TPMT: variants seen among roughly 807,000 people sequenced by gnomAD.
The protein encoded by TPMT is S-adenosyl-L-methionine:thiopurine S-methyltransferase.
Under a neutral mutation model 34.2 loss-of-function variants are expected in TPMT, and 18 were observed. That is an observed-to-expected ratio of 0.53 (90% CI 0.36 to 0.78). The LOEUF is 0.78. TPMT is among the 30% of genes least tolerant of loss of function. The pLI is 0.00. For missense variants in TPMT, 265 were observed against 288.1 expected (o/e 0.92, Z 0.58); for synonymous variants, 69 against 92.4 (o/e 0.75, Z 1.45).
intron 1 of TPMT, among the ~76,000 whole-genome samples, chr6:18,152,541 C>G (rs997791809): frequency 6.6e-6 from 1 of 151,706 alleles, no homozygotes; most frequent in Non-Finnish European, 1.5e-5. Flanking sequence ...CAATAAAATT[C>G]AAAGCCTCTC....
In TPMT at chr6:18,138,279, TA is replaced by T. The variant is rs548595777; in HGVS notation, c.494+683del. ...TGATTTTTTTGTTTTTTTTTTTTTT[TA>T]AATATTTTACAGACAAGGTCTTGCT... On this transcript the variant is annotated intron_variant, in intron 6 of 8. Coordinates refer to ENST00000309983, the MANE Select transcript of TPMT (RefSeq NM_000367.5). The surrounding 1 kb of genome is among the most constrained non-coding windows in gnomAD (Gnocchi z 4.1). 0.048 allele frequency among the ~76,000 whole-genome samples: 6,325 copies of T among 130,768 alleles called. 149 individuals carry two copies. Among genetic ancestry groups the T allele is most frequent in the African/African-American group, 0.061 (2,129 of 34,864 alleles). 85.8% of individuals were successfully genotyped at this position (130,768 alleles called of 152,430 possible).
chr6:18,133,659 C>T, intron 7 of TPMT, 145 bp downstream of exon 7: 2 of 663,950 alleles, frequency 3.0e-6, no homozygotes, highest in South Asian at 3.6e-5. Context: ...TCCCATTAGT[C>T]AAAACTGGAA....
chr6:18,149,722 C>T lies in TPMT; in HGVS notation c.-44-551G>A, dbSNP rs375415548. 1.3e-5 allele frequency among the ~76,000 whole-genome samples: 2 copies of T among 152,144 alleles called. No individual in the cohort carries two copies. Among genetic ancestry groups the T allele is most frequent in the African/African-American group, 2.4e-5 (1 of 41,430 alleles). ...TCAAGGGATCCTTCTGTCTTGGCCTCGCAAAGCACTGGGATTACAAGTGTG... is the reference window on the plus strand; with the variant it reads ...TCAAGGGATCCTTCTGTCTTGGCCTTGCAAAGCACTGGGATTACAAGTGTG... On this transcript the variant is annotated intron_variant, in intron 1 of 8. Coordinates refer to ENST00000309983, the MANE Select transcript of TPMT (RefSeq NM_000367.5). The surrounding 1 kb of genome is among the most constrained non-coding windows in gnomAD (Gnocchi z 5.0).
In TPMT at chr6:18,128,622, T is replaced by C. The variant is rs991701002; in HGVS notation, c.*2046A>G. Reference sequence around the variant, plus strand: ...CATCTCTTTCTGCAGATCAGCGTTCTGTTTCTCAGATCCATGTGCTGGAAT... The same window carrying C: ...CATCTCTTTCTGCAGATCAGCGTTCCGTTTCTCAGATCCATGTGCTGGAAT... On this transcript the variant is annotated 3_prime_UTR_variant, in exon 9 of 9. Transcript: ENST00000309983. This position sits in a 1 kb window ranked among gnomAD's most constrained non-coding sequence, Gnocchi z 4.6. 2.0e-5 allele frequency: 3 copies of C among 152,308 alleles called. No individual in the cohort carries two copies. The highest frequency in any genetic ancestry group is 2.0e-4 in the Admixed American group (3 of 15,288). The allele number at this position is 152,308 out of a possible 1,614,324, so 9.4% of individuals were successfully genotyped here.
rs1784314171 is a variant in TPMT, at chr6:18,149,559, G to C, written c.-44-388C>G. ...GCAAGCTTCAACCTCCTGGGCTCAA[G>C]CGATCCTCCCATTTCAGCCTCCCAA... On this transcript the variant is annotated intron_variant, in intron 1 of 8. Transcript: ENST00000309983. The surrounding 1 kb of genome is among the most constrained non-coding windows in gnomAD (Gnocchi z 5.0). Among the ~76,000 whole-genome samples, 1 of 151,830 alleles carries C rather than the reference G, an allele frequency of 6.6e-6. No homozygotes were observed. The highest frequency in any genetic ancestry group is 1.5e-5 in the Non-Finnish European group (1 of 67,972).
rs561680835 is a variant in TPMT, at chr6:18,146,166, CAT to C, written c.233+1655_233+1656del. On this transcript the variant is annotated intron_variant, in intron 3 of 8. Coordinates refer to ENST00000309983, the MANE Select transcript of TPMT (RefSeq NM_000367.5). The surrounding 1 kb of genome is among the most constrained non-coding windows in gnomAD (Gnocchi z 6.2). ...TACATGTAATTACAGTAGCTCAGTT[CAT>C]ATATATATATACATAAAAATAACTG... Among the ~76,000 whole-genome samples the C allele has an allele frequency of 0.014, 2,073 of 143,250 alleles. 39 individuals carry two copies. The highest frequency in any genetic ancestry group is 0.048 in the African/African-American group (1,931 of 40,452). The allele number at this position is 143,250 out of a possible 152,430, so 94.0% of individuals were successfully genotyped here.
At position 18,133,871 on chromosome 6, in the gene TPMT, A is replaced by C; in HGVS notation, c.513T>G (p.Phe171Leu). The C allele has an allele frequency of 6.2e-7, 1 of 1,613,894 alleles. No homozygotes were observed. The highest frequency in any genetic ancestry group is 8.5e-7 in the Non-Finnish European group (1 of 1,179,792). Residue 171 changes from phenylalanine (F) to leucine (L), a missense_variant, in exon 7 of 9, where the codon TTT becomes TTG. Physicochemically the swap from Phe to Leu is conservative, Grantham distance 22. Coordinates refer to ENST00000309983, the MANE Select transcript of TPMT (RefSeq NM_000367.5). ...GDRKCYADTM[F>L]SLLGKKFQYL... ...ACTGAAACTTCTTTCCCAGGAGGGA[A>C]AACATTGTATCTGCATAGCTACAAA...
In TPMT at chr6:18,128,660, C is replaced by T. The variant is rs183894137; in HGVS notation, c.*2008G>A. ...CATGTGCTGGAATGTGGCTGCCCCA[C>T]AGCTCCCAGGCGTACACAGATTCCC... On this transcript the variant is annotated 3_prime_UTR_variant, in exon 9 of 9. Transcript: ENST00000309983. The surrounding 1 kb of genome is among the most constrained non-coding windows in gnomAD (Gnocchi z 4.6). The T allele has an allele frequency of 6.6e-6, 1 of 152,320 alleles. No homozygotes were observed. Among genetic ancestry groups the T allele is most frequent in the African/African-American group, 2.4e-5 (1 of 41,472 alleles). The allele number at this position is 152,320 out of a possible 1,614,324, so 9.4% of individuals were successfully genotyped here.
rs1460370130 is a variant in TPMT, at chr6:18,154,713, C to T, written c.-45+320G>A. 3.3e-5 allele frequency among the ~76,000 whole-genome samples: 5 copies of T among 152,042 alleles called. No homozygotes were observed. The highest frequency in any genetic ancestry group is 4.4e-5 in the Non-Finnish European group (3 of 68,018). On this transcript the variant is annotated intron_variant, in intron 1 of 8. Transcript: ENST00000309983. This position sits in a 1 kb window ranked among gnomAD's most constrained non-coding sequence, Gnocchi z 4.2. ...ACTTGAGCCCAGGAGTTCCAGGTTA[C>T]AGTGAGCTATGATTGTGCCACTGCA...
chr6:18,144,659 G>T (rs924291865), intron 3 of TPMT, among the ~76,000 whole-genome samples: 3 of 148,278 alleles, frequency 2.0e-5, no homozygotes, highest in Admixed American at 1.3e-4. Context: ...GATTACAGGC[G>T]TGAGCCACCA....
chr6:18,131,063 G>A lies in TPMT; in HGVS notation c.626-283C>T, dbSNP rs577783637. Among the ~76,000 whole-genome samples, 7 of 152,220 alleles carry A rather than the reference G, an allele frequency of 4.6e-5. No homozygotes were observed. Among genetic ancestry groups the A allele is most frequent in the South Asian group, 2.1e-4 (1 of 4,818 alleles). The stretch of plus-strand genomic sequence containing the variant: ...TGAGGCAGGAGAATCGCTTGAACCC[G>A]GGAGATGGAGGTTGCAGTGAGCTGA... On this transcript the variant is annotated intron_variant, in intron 8 of 8. Coordinates refer to ENST00000309983, the MANE Select transcript of TPMT (RefSeq NM_000367.5). This position sits in a 1 kb window ranked among gnomAD's most constrained non-coding sequence, Gnocchi z 4.3.
In TPMT at chr6:18,146,172, T is replaced by C. The variant is rs188490032; in HGVS notation, c.233+1651A>G. Among the ~76,000 whole-genome samples, 2 of 151,988 alleles carry C rather than the reference T, an allele frequency of 1.3e-5. No homozygotes were observed. The highest frequency in any genetic ancestry group is 2.9e-5 in the Non-Finnish European group (2 of 67,978). The stretch of plus-strand genomic sequence containing the variant: ...TAATTACAGTAGCTCAGTTCATATA[T>C]ATATATACATAAAAATAACTGTATT... On this transcript the variant is annotated intron_variant, in intron 3 of 8. Coordinates refer to ENST00000309983, the MANE Select transcript of TPMT (RefSeq NM_000367.5). This position sits in a 1 kb window ranked among gnomAD's most constrained non-coding sequence, Gnocchi z 6.2.
chr6:18,140,505 C>A lies in TPMT; in HGVS notation c.367-788G>T, dbSNP rs1242775816. Among the ~76,000 whole-genome samples the A allele has an allele frequency of 1.3e-5, 2 of 152,012 alleles. No homozygotes were observed. The highest frequency in any genetic ancestry group is 3.9e-4 in the East Asian group (2 of 5,160). ...AGGAGTATGAGACCAGCCTGGGCAA[C>A]ATGGCAAAACTCCAACTCTACAGAA... On this transcript the variant is annotated intron_variant, in intron 4 of 8. Transcript: ENST00000309983. This position sits in a 1 kb window ranked among gnomAD's most constrained non-coding sequence, Gnocchi z 4.7.
Position 18,143,597 on chromosome 6 carries a change from T to C in TPMT, c.365A>G (p.Lys122Arg). The C allele has an allele frequency of 6.2e-7, 1 of 1,612,348 alleles. No individual in the cohort carries two copies. Among genetic ancestry groups the C allele is most frequent in the Non-Finnish European group, 8.5e-7 (1 of 1,179,962 alleles). Residue 122 changes from lysine (K) to arginine (R), a missense_variant and splice_region_variant, in exon 4 of 9, where the codon AAG (lysine) becomes AGG (arginine). Transcript: ENST00000309983. The surrounding 1 kb of genome is among the most constrained non-coding windows in gnomAD (Gnocchi z 6.1). ...TTATTTACCCAAATCAAAACAAACCTTAAATACTTTGGTTCCAGGAATTTC... is the reference window on the plus strand; with the variant it reads ...TTATTTACCCAAATCAAAACAAACCCTAAATACTTTGGTTCCAGGAATTTC... ...ITEIPGTKVFKSSSGNISLYC... is the reference protein window; with the variant it reads ...ITEIPGTKVFRSSSGNISLYC...
chr6:18,147,531 C>A (rs1278848253), intron 3 of TPMT, among the ~76,000 whole-genome samples: 2 of 152,158 alleles, frequency 1.3e-5, no homozygotes, highest in African/African-American at 2.4e-5. Flanking sequence ...AAAAACTGAA[C>A]CACATACAAG....
In TPMT at chr6:18,129,073, T is replaced by A. The variant is rs1456684621; in HGVS notation, c.*1595A>T. On this transcript the variant is annotated 3_prime_UTR_variant, in exon 9 of 9. Transcript: ENST00000309983. ...GGGCAACAAAGTGAGACCCTGTCTC[T>A]ACATAAAAGTAAAATCAAAAGTCTC... The A allele has an allele frequency of 6.6e-6, 1 of 152,226 alleles. No homozygotes were observed. Among genetic ancestry groups the A allele is most frequent in the African/African-American group, 2.4e-5 (1 of 41,442 alleles). The allele number at this position is 152,226 out of a possible 1,614,324, so 9.4% of individuals were successfully genotyped here. A position where few individuals can be genotyped will look rare whatever the true frequency, so the allele number is the denominator to read the frequency against.
Position 18,153,198 on chromosome 6 carries a change from ACTTCTCAGC to A in TPMT, c.-45+1826_-45+1834del, listed in dbSNP as rs1432462979. Among the ~76,000 whole-genome samples the A allele has an allele frequency of 6.6e-6, 1 of 152,170 alleles. No individual in the cohort carries two copies. Among genetic ancestry groups the A allele is most frequent in the East Asian group, 1.9e-4 (1 of 5,184 alleles). On this transcript the variant is annotated intron_variant, in intron 1 of 8. Transcript: ENST00000309983. The surrounding 1 kb of genome is among the most constrained non-coding windows in gnomAD (Gnocchi z 4.2). ...TTTCTGGCTTCTGGCCTGCGGCTAC[ACTTCTCAGC>A]CAGTCAGAATGGCTGCTCTACAGTC...
In TPMT at chr6:18,130,782, T is replaced by C. The variant is rs1394523901; in HGVS notation, c.626-2A>G. ...GACAACGTATATTGCATATTTTACC[T>C]GAAACAAGAAAGAGTAACATGTTAA... On this transcript the variant is annotated splice_acceptor_variant, in intron 8 of 8. Coordinates refer to ENST00000309983, the MANE Select transcript of TPMT (RefSeq NM_000367.5). LOFTEE classifies it high-confidence loss of function. This position sits in a 1 kb window ranked among gnomAD's most constrained non-coding sequence, Gnocchi z 4.2. 2 of 1,600,844 alleles carry C rather than the reference T, an allele frequency of 1.2e-6. No individual in the cohort carries two copies. Among genetic ancestry groups the C allele is most frequent in the East Asian group, 2.2e-5 (1 of 44,748 alleles).
At position 18,135,274 on chromosome 6, in the gene TPMT, G is replaced by T. The variant is rs1357302759; in HGVS notation, c.495-1385C>A. ...AAGAAACTTGCTGTCCCCATGAGGG[G>T]GATGTCAGACTGGTTTGGTAGGGTT... On this transcript the variant is annotated intron_variant, in intron 6 of 8. Coordinates refer to ENST00000309983, the MANE Select transcript of TPMT (RefSeq NM_000367.5). The surrounding 1 kb of genome is among the most constrained non-coding windows in gnomAD (Gnocchi z 5.0). 6.6e-6 allele frequency among the ~76,000 whole-genome samples: 1 copy of T among 152,140 alleles called. No homozygotes were observed. The highest frequency in any genetic ancestry group is 1.5e-5 in the Non-Finnish European group (1 of 68,018).
Sources: allele counts gnomAD v4.1 joint callset (sites outside exome capture counted in the v4.1 genomes callset), GRCh38; gene constraint gnomAD v4.1.1; non-coding constraint Gnocchi (gnomAD v3.1); transcripts MANE v1.5; gene names NCBI Gene and HGNC (gene_info 2026-07-23, HGNC 2026-07-21).